The following EPHA6 variants were observed in gnomAD, a reference collection of about 807,000 sequenced individuals.
EPHA6 encodes the protein ephrin type-A receptor 6.
Under a neutral mutation model 112.0 loss-of-function variants are expected in EPHA6, and 50 were observed. That is an observed-to-expected ratio of 0.45 (90% confidence interval 0.36 to 0.56). The LOEUF is 0.56. EPHA6 is among the 20% of genes least tolerant of loss of function. EPHA6 has a pLI of 0.00. For synonymous variants in EPHA6, 529 were observed against 490.7 expected (o/e 1.08, Z -1.03); for missense variants, 1,280 against 1,417.4 (o/e 0.90, Z 1.56).
At chr3:96,877,929 AT>A (rs200140200) in intron 2 of EPHA6, among the ~76,000 whole-genome samples, 96 of 128,548 alleles carry the variant, frequency 7.5e-4, no homozygotes, top group East Asian at 2.3e-3. Flanking sequence ...ATATATATAT[AT>A]TTTTTTTTTT....
intron 5 of EPHA6, among the ~76,000 whole-genome samples, chr3:97,347,840 C>A (rs2083606137): frequency 1.3e-5 from 2 of 151,978 alleles, no homozygotes; most frequent in Admixed American, 1.3e-4. Flanking sequence ...TACATTTTCA[C>A]ATATAAGAAT....
At position 97,365,187 on chromosome 3, in the gene EPHA6, A is replaced by C. The variant is rs141161355; in HGVS notation, c.1607-39963A>C. On this transcript the variant is annotated intron_variant, in intron 5 of 17. Transcript: ENST00000389672. ...AGAAGCTATTATCATAATCATATTC[A>C]TTTAGAACTTCTACAGTACGATGTT... Among the ~76,000 whole-genome samples, 632 of 152,294 alleles carry C rather than the reference A, an allele frequency of 4.1e-3. 9 individuals carry two copies. The highest frequency in any genetic ancestry group is 0.014 in the African/African-American group (568 of 41,560).
intron 11 of EPHA6, among the ~76,000 whole-genome samples, chr3:97,561,888 T>C (rs1004217038): frequency 2.0e-5 from 3 of 152,144 alleles, no homozygotes; most frequent in African/African-American, 7.2e-5. Flanking sequence ...CTGAAAATCC[T>C]AGGGCCCTTG....
rs149505438 is a variant in EPHA6 at position 97,499,724 on chromosome 3, C to T, written c.2200+15665C>T. Among the ~76,000 whole-genome samples, 998 of 152,142 alleles carry T rather than the reference C, an allele frequency of 6.6e-3. 12 individuals are homozygous for T. Among genetic ancestry groups the T allele is most frequent in the African/African-American group, 0.022 (917 of 41,534 alleles). ...TCAAAAAGGTATAGTAAAAATGCAG[C>T]ATAAAAATGTGGTATAAAAGTGCCC... is the stretch of plus-strand genomic sequence containing the variant. On this transcript the variant is annotated intron_variant, in intron 10 of 17. Transcript: ENST00000389672.
At chr3:97,540,802 G>C (rs1470470463) in intron 11 of EPHA6, among the ~76,000 whole-genome samples, 1 of 152,020 alleles carries the variant, frequency 6.6e-6, no homozygotes, top group East Asian at 1.9e-4. Flanking sequence ...ATTGAATAAA[G>C]CCATCTAAAG....
chr3:97,732,258 T>A (rs1365773870), intron 15 of EPHA6, among the ~76,000 whole-genome samples: 1 of 151,478 alleles, frequency 6.6e-6, no homozygotes, highest in East Asian at 1.9e-4. Context: ...TCACATCTCC[T>A]TTCCTCAACC....
intron 3 of EPHA6, among the ~76,000 whole-genome samples, chr3:97,038,319 G>A (rs1394318985): frequency 1.3e-5 from 2 of 151,760 alleles, no homozygotes; most frequent in Admixed American, 1.3e-4. Flanking sequence ...CCCCCCCCAT[G>A]CTTCCTGGAC....
intron 5 of EPHA6, among the ~76,000 whole-genome samples, chr3:97,324,025 T>C (rs1008828748): frequency 6.6e-6 from 1 of 152,010 alleles, no homozygotes; most frequent in African/African-American, 2.4e-5. Context: ...TGACCGTCCA[T>C]AGCAAGCACA....
intron 6 of EPHA6, among the ~76,000 whole-genome samples, chr3:97,406,134 T>C (rs1445570279): frequency 6.6e-6 from 1 of 152,148 alleles, no homozygotes; most frequent in Non-Finnish European, 1.5e-5. Flanking sequence ...TGTCCCTTAC[T>C]AGAAGCAAAG....
intron 2 of EPHA6, among the ~76,000 whole-genome samples, chr3:96,875,767 C>A (rs2036906759): frequency 6.6e-6 from 1 of 151,930 alleles, no homozygotes; most frequent in Non-Finnish European, 1.5e-5. Flanking sequence ...ACACACACAT[C>A]TTTAAAAGGT....
At chr3:97,120,506 T>A (rs553332742) in intron 3 of EPHA6, among the ~76,000 whole-genome samples, 11 of 151,942 alleles carry the variant, frequency 7.2e-5, no homozygotes, top group Admixed American at 2.0e-4. Flanking sequence ...AAGTTGATAA[T>A]GGACTGAGTC....
At chr3:97,499,174 T>C (rs1314373604) in intron 10 of EPHA6, among the ~76,000 whole-genome samples, 2 of 152,190 alleles carry the variant, frequency 1.3e-5, no homozygotes, top group African/African-American at 2.4e-5. Context: ...CTTGTTCATC[T>C]GTGGCAATGA....
At chr3:96,824,280 A>T (rs1422294933) in intron 1 of EPHA6, among the ~76,000 whole-genome samples, 1 of 151,836 alleles carries the variant, frequency 6.6e-6, no homozygotes, top group African/African-American at 2.4e-5. Context: ...ATTAAAGCTA[A>T]ATGGTATATA....
intron 3 of EPHA6, among the ~76,000 whole-genome samples, chr3:97,006,494 T>C (rs1427659948): frequency 6.6e-6 from 1 of 152,112 alleles, no homozygotes; most frequent in African/African-American, 2.4e-5. Flanking sequence ...GATTCTTCTC[T>C]GTCTTCTTCT....
intron 3 of EPHA6, among the ~76,000 whole-genome samples, chr3:97,121,165 A>G (rs2048030425): frequency 6.6e-6 from 1 of 152,062 alleles, no homozygotes; most frequent in East Asian, 1.9e-4. Flanking sequence ...TATTATTTTA[A>G]GAAAGTAGTT....
chr3:97,434,114 A>G (rs1229051285), intron 6 of EPHA6, among the ~76,000 whole-genome samples: 3 of 152,174 alleles, frequency 2.0e-5, no homozygotes, highest in Non-Finnish European at 4.4e-5. Context: ...CAGAAAATAT[A>G]AAATCTAACA....
At chr3:97,187,853 G>A (rs1277724291) in intron 3 of EPHA6, among the ~76,000 whole-genome samples, 1 of 152,056 alleles carries the variant, frequency 6.6e-6, no homozygotes. Flanking sequence ...GGGAGGTGCA[G>A]TCCTCTTAGT....
intron 12 of EPHA6, chr3:97,606,393 G>A (rs1224867663): frequency 1.3e-5 from 2 of 151,366 alleles, no homozygotes; most frequent in Non-Finnish European, 3.0e-5. Flanking sequence ...CAGAATATGG[G>A]CAGTGGCAAC....
In EPHA6 at chr3:97,335,734, T is replaced by C. The variant is rs1366845289; in HGVS notation, c.1607-69416T>C. ...GAGCCAATTTATCAAGACAGGAGAA[T>C]TGCAATAGAGAAAGAGTCATTATGC... On this transcript the variant is annotated intron_variant, in intron 5 of 17. Coordinates refer to ENST00000389672, the MANE Select transcript of EPHA6 (RefSeq NM_001080448.3). 2.6e-5 allele frequency among the ~76,000 whole-genome samples: 4 copies of C among 152,092 alleles called. No individual in the cohort carries two copies. The East Asian group carries it at 7.7e-4, about 29-fold the overall frequency.
Sources: allele counts gnomAD v4.1 joint callset (sites outside exome capture counted in the v4.1 genomes callset), GRCh38; gene constraint gnomAD v4.1.1; transcripts MANE v1.5; gene names NCBI Gene and HGNC (gene_info 2026-07-23, HGNC 2026-07-21).